The following RGSL1 variants were observed in gnomAD, a reference collection of about 807,000 sequenced individuals.
The protein encoded by RGSL1 is regulator of G protein signaling protein-like.
Under a neutral mutation model 124.7 loss-of-function variants are expected in RGSL1, and 97 were observed. The observed-to-expected ratio is 0.78, with a 90% CI of 0.66 to 0.92. The LOEUF is 0.92. Among genes scored for constraint, RGSL1 ranks in the 40% least tolerant of loss-of-function variants. The pLI, the probability that RGSL1 is intolerant of heterozygous loss-of-function variation, is 0.00. For synonymous variants in RGSL1, 424 were observed against 438.1 expected, an observed-to-expected ratio of 0.97 and a Z score of 0.40; for missense variants, 1,233 against 1,288.4, an observed-to-expected ratio of 0.96 and a Z score of 0.66.
chr1:182,530,957 A>G, intron 13 of RGSL1, 47 bp downstream of exon 13: 3 of 1,526,836 alleles, frequency 2.0e-6, no homozygotes, highest in Non-Finnish European at 2.6e-6. Flanking sequence ...CAAGAAAACC[A>G]TCGTCTTGGG....
intron 11 of RGSL1, 77 bp from the exon 12 acceptor site, chr1:182,530,167 A>C (rs1164161288): frequency 3.5e-6 from 4 of 1,156,166 alleles, no homozygotes; most frequent in South Asian, 2.9e-5. Flanking sequence ...AGATAAAAAA[A>C]AAAAACAAAA....
chr1:182,471,776 C>A (rs896909077), intron 4 of RGSL1, among the ~76,000 whole-genome samples: 12 of 152,120 alleles, frequency 7.9e-5, no homozygotes. Context: ...GGCTTCTGTT[C>A]TATTGGGTCC....
At position 182,537,121 on chromosome 1, in the gene RGSL1, T is replaced by C. The variant is rs76188703; in HGVS notation, c.2495-3126T>C. Among the ~76,000 whole-genome samples, 4 of 152,290 alleles carry C rather than the reference T, an allele frequency of 2.6e-5. No individual in the cohort carries two copies. The East Asian group carries it at 7.7e-4, about 29-fold the overall frequency. ...TTGCTTTTTGATTTTTTAAGTAGTG[T>C]CTTTTGAAGATCCAAAATCTGAAAT... On this transcript the variant is annotated intron_variant, in intron 14 of 21. Transcript: ENST00000294854.
intron 4 of RGSL1, among the ~76,000 whole-genome samples, chr1:182,463,505 C>G (rs1356422520): frequency 6.6e-6 from 1 of 151,942 alleles, no homozygotes; most frequent in Non-Finnish European, 1.5e-5. Flanking sequence ...GCAGGGGTGC[C>G]TATAATGATA....
In RGSL1 at chr1:182,530,904, A is replaced by T. The variant is rs1659126737; in HGVS notation, c.2358A>T (p.Glu786Asp). The part of the protein sequence containing the change: ...PSKIVSTYLQ[E>D]SQKKGWMRMI... ...AGATAGTGTCAACTTACCTACAGGA[A>T]TCCCAGGTTAGTGAAGAAGAAAGTG... Residue 786 changes from glutamate (E) to aspartate (D), a missense_variant, in exon 13 of 22, where the codon GAA (glutamate) becomes GAT (aspartate). By Grantham distance (45) the Glu-to-Asp change is conservative. Coordinates refer to ENST00000294854, the MANE Select transcript of RGSL1 (RefSeq NM_001137669.2). 2 of 1,547,212 alleles carry T rather than the reference A, an allele frequency of 1.3e-6. No individual in the cohort carries two copies. Among genetic ancestry groups the T allele is most frequent in the South Asian group, 2.4e-5 (2 of 83,304 alleles).
chr1:182,463,177 C>T (rs1471292703), intron 4 of RGSL1, among the ~76,000 whole-genome samples: 1 of 151,700 alleles, frequency 6.6e-6, no homozygotes, highest in African/African-American at 2.4e-5. Context: ...GCCTGTAGTC[C>T]CACCTACTTG....
intron 13 of RGSL1, among the ~76,000 whole-genome samples, chr1:182,532,142 G>A (rs532348408): frequency 6.6e-6 from 1 of 152,148 alleles, no homozygotes; most frequent in South Asian, 2.1e-4. Context: ...TGGTTCCTGG[G>A]TACCTATAAA....
At position 182,532,736 on chromosome 1, in the gene RGSL1, T is replaced by C. The variant is rs1476673738; in HGVS notation, c.2439T>C (p.Ser813=). The change falls in exon 14 of 22, where the codon AGT becomes AGC. Residue 813 remains serine, a synonymous_variant. Coordinates refer to ENST00000294854, the MANE Select transcript of RGSL1 (RefSeq NM_001137669.2). ...CKYRRFMLNP[S]KRQEFEDYLH... is the part of the protein sequence containing the mutation. ...ACCGCAGATTTATGTTGAATCCTAG[T>C]AAGCGCCAGGAATTTGAAGACTATC... is the stretch of plus-strand genomic sequence containing the variant. 1 of 1,551,026 alleles carries C rather than the reference T, an allele frequency of 6.4e-7. No individual in the cohort carries two copies. Among genetic ancestry groups the C allele is most frequent in the East Asian group, 2.4e-5 (1 of 40,902 alleles).
intron 10 of RGSL1, among the ~76,000 whole-genome samples, chr1:182,525,424 T>C (rs1386606963): frequency 1.3e-5 from 2 of 152,016 alleles, no homozygotes; most frequent in Non-Finnish European, 2.9e-5. Context: ...TAACCAAATA[T>C]AGAATATCAA....
At chr1:182,472,368 C>A in intron 4 of RGSL1, 28 bp from the exon 5 acceptor site, 1 of 1,536,496 alleles carries the variant, frequency 6.5e-7, no homozygotes, top group Non-Finnish European at 8.8e-7. Context: ...TAGGGTATAG[C>A]TCTGTGCCTC....
chr1:182,467,378 C>G (rs1211028471), intron 4 of RGSL1, among the ~76,000 whole-genome samples: 4 of 152,146 alleles, frequency 2.6e-5, no homozygotes, highest in Non-Finnish European at 5.9e-5. Flanking sequence ...TACCACAAGG[C>G]TACAGTAATC....
chr1:182,551,145 G>T lies in RGSL1; in HGVS notation c.2979G>T (p.Gly993=). The change falls in exon 18 of 22, where the codon GGG becomes GGT. Residue 993 remains glycine, a synonymous_variant. Coordinates refer to ENST00000294854, the MANE Select transcript of RGSL1 (RefSeq NM_001137669.2). ...KATRSYLQYR[G]KKFKDRKSPP... ...CCCGCTCTTACTTACAGTATAGGGG[G>T]AAGAAGTTCAAGGACAGAAAAAGCC... 1 of 1,551,700 alleles carries T rather than the reference G, an allele frequency of 6.4e-7. No individual in the cohort carries two copies. Among genetic ancestry groups the T allele is most frequent in the Middle Eastern group, 1.7e-4 (1 of 5,992 alleles).
At position 182,473,905 on chromosome 1, in the gene RGSL1, C is replaced by G. The variant is rs1654059992; in HGVS notation, c.794C>G (p.Ser265Cys). 2 of 1,551,832 alleles carry G rather than the reference C, an allele frequency of 1.3e-6. No individual in the cohort carries two copies. The highest frequency in any genetic ancestry group is 1.7e-6 in the Non-Finnish European group (2 of 1,147,052). ...CAATTGGTAGATCCTGACTCTTGGTCTCTGGAAATGGATCTCAAGCCAGAT... is the reference window on the plus strand; with the variant it reads ...CAATTGGTAGATCCTGACTCTTGGTGTCTGGAAATGGATCTCAAGCCAGAT... ...MWQLVDPDSW[S>C]LEMDLKPDAI... is the part of the protein sequence containing the mutation. Residue 265 changes from serine to cysteine, a missense_variant, in exon 6 of 22, where the codon TCT (serine) becomes TGT (cysteine). Coordinates refer to ENST00000294854, the MANE Select transcript of RGSL1 (RefSeq NM_001137669.2).
chr1:182,508,334 T>C lies in RGSL1; in HGVS notation c.1826-13670T>C, dbSNP rs555091743. ...TTTTTTTGAGATGGAGTTTCACTCT[T>C]TGTTGCCCAGGCTGGAGTGCAATGG... is the stretch of plus-strand genomic sequence containing the variant. On this transcript the variant is annotated intron_variant, in intron 9 of 21. Coordinates refer to ENST00000294854, the MANE Select transcript of RGSL1 (RefSeq NM_001137669.2). Among the ~76,000 whole-genome samples, 4 of 140,686 alleles carry C rather than the reference T, an allele frequency of 2.8e-5. No homozygotes were observed. In the South Asian group the frequency reaches 9.5e-4, roughly 33 times the overall value. 92.3% of individuals were successfully genotyped at this position (140,686 alleles called of 152,430 possible).
At chr1:182,509,278 C>T (rs1657113575) in intron 9 of RGSL1, among the ~76,000 whole-genome samples, 1 of 47,548 alleles carries the variant, frequency 2.1e-5, no homozygotes, top group Admixed American at 1.8e-4. Context: ...CAGAGGCGCC[C>T]CTCACCTCCC....
intron 9 of RGSL1, among the ~76,000 whole-genome samples, chr1:182,512,546 G>T (rs542050926): frequency 2.6e-5 from 4 of 152,088 alleles, no homozygotes; most frequent in African/African-American, 9.7e-5. Flanking sequence ...TTTGGGCTCC[G>T]GCCCCACGGT....
At chr1:182,460,418 G>A (rs1652724174) in intron 4 of RGSL1, among the ~76,000 whole-genome samples, 1 of 152,156 alleles carries the variant, frequency 6.6e-6, no homozygotes, top group Non-Finnish European at 1.5e-5. Flanking sequence ...GGAATCTGAT[G>A]GACTGGGCTG....
At chr1:182,455,273 G>A (rs1243182871) in intron 2 of RGSL1, among the ~76,000 whole-genome samples, 1 of 152,090 alleles carries the variant, frequency 6.6e-6, no homozygotes. Flanking sequence ...AGGTGAGGAG[G>A]AAAGGGTGCA....
At chr1:182,547,595 C>T (rs1427740032) in intron 15 of RGSL1, among the ~76,000 whole-genome samples, 10 of 152,182 alleles carry the variant, frequency 6.6e-5, no homozygotes, top group Admixed American at 5.9e-4. Context: ...GGTGCGGTGG[C>T]TCATGCCTGT....
Sources: gnomAD v4.1 joint callset for allele counts (sites outside exome capture counted in the v4.1 genomes callset) on GRCh38, gnomAD v4.1.1 for gene constraint, MANE v1.5 for transcripts, NCBI Gene and HGNC (gene_info 2026-07-23, HGNC 2026-07-21) for gene names.